Variants in IRAK4 observed in about 807,000 individuals in gnomAD.
IRAK4 encodes the protein interleukin-1 receptor-associated kinase 4.
A neutral mutation model predicts 51.8 loss-of-function variants in IRAK4; 44 were observed. The ratio of observed to expected loss-of-function variants is 0.85; its 90% CI spans 0.67 to 1.09. The LOEUF (loss-of-function observed/expected upper bound fraction) is 1.09. Among genes scored for constraint, IRAK4 ranks in the 50% least tolerant of loss-of-function variants. The probability of loss-of-function intolerance (pLI) is 0.00; values close to 1 mark genes in which losing one functional copy is unlikely to be tolerated. For missense variants in IRAK4, 487 were observed against 538.0 expected (o/e 0.91, Z 0.94); for synonymous variants, 149 against 174.1 (o/e 0.86, Z 1.13).
rs1226903340 is a variant in IRAK4, at chr12:43,786,707, G to C, written c.1375G>C (p.Ala459Pro). The C allele has an allele frequency of 6.2e-7, 1 of 1,613,210 alleles. No individual in the cohort carries two copies. Among genetic ancestry groups the C allele is most frequent in the Non-Finnish European group, 8.5e-7 (1 of 1,179,438 alleles). ...TCAACAGCTGCTGCAAGAGATGACA[G>C]CTTCTTAAAACTTTATTGGAAAAGA... ...KVQQLLQEMT[A>P]S is the part of the protein sequence containing the mutation. The change falls in exon 12 of 12, where the codon GCT (alanine) becomes CCT (proline). Residue 459 changes from alanine to proline, a missense_variant. Transcript: ENST00000613694.
chr12:43,769,893 G>C (rs1256801647), intron 2 of IRAK4, among the ~76,000 whole-genome samples: 5 of 152,126 alleles, frequency 3.3e-5, no homozygotes, highest in African/African-American at 9.7e-5. Context: ...AAAGTAGTCA[G>C]ATAAATCTAG....
chr12:43,774,796 G>A (rs1941120747), intron 6 of IRAK4, among the ~76,000 whole-genome samples: 2 of 152,190 alleles, frequency 1.3e-5, no homozygotes, highest in Non-Finnish European at 2.9e-5. Flanking sequence ...AGGAAAAGTA[G>A]GAGGGACAAA....
intron 10 of IRAK4, among the ~76,000 whole-genome samples, 197 bp from the exon 11 acceptor site, chr12:43,786,202 T>G (rs1253248485): frequency 6.6e-6 from 1 of 152,122 alleles, no homozygotes; most frequent in African/African-American, 2.4e-5. Context: ...TGGCTAATTT[T>G]TTGTATTTTT....
chr12:43,777,550 TAAAA>T, intron 6 of IRAK4, 76 bp from the exon 7 acceptor site: 2 of 1,336,244 alleles, frequency 1.5e-6, no homozygotes, highest in Admixed American at 2.7e-5. Context: ...TTTTTTCTAT[TAAAA>T]CTTTGAATAA....
chr12:43,766,271 A>T (rs914552476), intron 1 of IRAK4, among the ~76,000 whole-genome samples: 10 of 152,304 alleles, frequency 6.6e-5, no homozygotes, highest in African/African-American at 2.4e-4. Context: ...TGCCTGAGAC[A>T]CACATGCTCT....
chr12:43,774,718 G>A (rs1379293700), intron 6 of IRAK4, among the ~76,000 whole-genome samples: 2 of 152,208 alleles, frequency 1.3e-5, no homozygotes, highest in African/African-American at 4.8e-5. Flanking sequence ...AGCAACTAGA[G>A]TCATGTTATC....
chr12:43,782,940 C>G (rs1427836055), intron 9 of IRAK4, among the ~76,000 whole-genome samples: 1 of 152,100 alleles, frequency 6.6e-6, no homozygotes, highest in Non-Finnish European at 1.5e-5. Context: ...CTTCATAGCA[C>G]TGAAAATAAG....
chr12:43,768,947 T>C lies in IRAK4; in HGVS notation c.161+675T>C, dbSNP rs1022848911. 5.3e-5 allele frequency among the ~76,000 whole-genome samples: 8 copies of C among 152,328 alleles called. No individual in the cohort carries two copies. In the East Asian group the frequency reaches 1.5e-3, roughly 29 times the overall value. ...CTATTTGTTATTTTCAGCATTAATCTGGGAAAGAACCTAAAAGACTTGGCT... is the reference window on the plus strand; with the variant it reads ...CTATTTGTTATTTTCAGCATTAATCCGGGAAAGAACCTAAAAGACTTGGCT... On this transcript the variant is annotated intron_variant, in intron 2 of 11. Coordinates refer to ENST00000613694, the MANE Select transcript of IRAK4 (RefSeq NM_016123.4).
intron 1 of IRAK4, among the ~76,000 whole-genome samples, chr12:43,763,104 A>G (rs1043787021): frequency 6.6e-6 from 1 of 152,236 alleles, no homozygotes; most frequent in Admixed American, 6.5e-5. Flanking sequence ...AATCATGTTT[A>G]GTTAAAAGAT....
intron 9 of IRAK4, 136 bp from the exon 10 acceptor site, chr12:43,783,526 G>T (rs1941956513): frequency 1.6e-6 from 1 of 634,014 alleles, no homozygotes; most frequent in South Asian, 1.8e-5. Context: ...TCTCACTGTT[G>T]CCCAGGCTGG....
chr12:43,771,366 G>A lies in IRAK4; in HGVS notation c.307+1G>A. 1 of 1,614,066 alleles carries A rather than the reference G, an allele frequency of 6.2e-7. No individual in the cohort carries two copies. On this transcript the variant is annotated splice_donor_variant, in intron 3 of 11. Coordinates refer to ENST00000613694, the MANE Select transcript of IRAK4 (RefSeq NM_016123.4). LOFTEE classifies it high-confidence loss of function. ...GCTCCTGCGAGTCTTTTGCTCCCAG[G>A]TAAACTGATTGTGACCAGGGTGTCC...
At chr12:43,768,957 C>A (rs544627239) in intron 2 of IRAK4, among the ~76,000 whole-genome samples, 1 of 152,230 alleles carries the variant, frequency 6.6e-6, no homozygotes, top group East Asian at 1.9e-4. Context: ...TGGGAAAGAA[C>A]CTAAAAGACT....
intron 8 of IRAK4, among the ~76,000 whole-genome samples, chr12:43,780,634 C>T (rs541212316): frequency 4.0e-5 from 6 of 149,932 alleles, no homozygotes; most frequent in South Asian, 2.1e-4. Flanking sequence ...TGCGATGGCG[C>T]GGTCTTGGCT....
chr12:43,774,055 G>A (rs748754975), intron 6 of IRAK4, 26 bp downstream of exon 6: 4 of 1,556,146 alleles, frequency 2.6e-6, no homozygotes, highest in Non-Finnish European at 3.5e-6. Context: ...GCAGTGCGGT[G>A]TAGTGGAAAG....
intron 10 of IRAK4, among the ~76,000 whole-genome samples, chr12:43,784,407 G>A (rs1275692365): frequency 6.6e-6 from 1 of 152,098 alleles, no homozygotes; most frequent in African/African-American, 2.4e-5. Context: ...GATCCCACAG[G>A]TTAAGAGCTC....
At chr12:43,760,077 C>T (rs1033944756) in intron 1 of IRAK4, among the ~76,000 whole-genome samples, 4 of 152,170 alleles carry the variant, frequency 2.6e-5, no homozygotes, top group African/African-American at 9.7e-5. Context: ...TTCTGTTTTC[C>T]TGCAGAGCGT....
At chr12:43,773,820 T>C (rs752543458) in intron 5 of IRAK4, 145 bp from the exon 6 acceptor site, 10 of 637,802 alleles carry the variant, frequency 1.6e-5, no homozygotes, top group Non-Finnish European at 2.8e-5. Flanking sequence ...CTAGTATTTC[T>C]AGATCTCAGT....
chr12:43,762,505 C>G (rs1468213207), intron 1 of IRAK4, among the ~76,000 whole-genome samples: 1 of 152,160 alleles, frequency 6.6e-6, no homozygotes, highest in African/African-American at 2.4e-5. Context: ...ACTGCAGAGT[C>G]TATAGGCAAC....
At position 43,786,095 on chromosome 12, in the gene IRAK4, G is replaced by A. The variant is rs577944857; in HGVS notation, c.1189-304G>A. 1.2e-3 allele frequency among the ~76,000 whole-genome samples: 183 copies of A among 150,080 alleles called. 1 individual carries two copies. Among genetic ancestry groups the A allele is most frequent in the African/African-American group, 4.3e-3 (173 of 40,678 alleles). On this transcript the variant is annotated intron_variant, in intron 10 of 11. Transcript: ENST00000613694. ...GCTGTGTCACCTAGGCTGGAGTGGC[G>A]TGATCTCGGCTCAGTGCAACCTCTG...
Sources: gnomAD v4.1 joint callset for allele counts (sites outside exome capture counted in the v4.1 genomes callset) on GRCh38, gnomAD v4.1.1 for gene constraint, MANE v1.5 for transcripts, NCBI Gene and HGNC (gene_info 2026-07-23, HGNC 2026-07-21) for gene names.